Variants in KIAA1958 observed in about 807,000 individuals in gnomAD.
The protein encoded by KIAA1958 is KIAA1958, also known as uncharacterized protein KIAA1958.
Under a neutral mutation model 47.2 loss-of-function variants are expected in KIAA1958, and 14 were observed. The ratio of observed to expected loss-of-function variants is 0.30; its 90% CI spans 0.20 to 0.46. KIAA1958 has a LOEUF of 0.46. KIAA1958 is among the 20% of genes least tolerant of loss of function. The pLI is 1.00. For missense variants in KIAA1958, 803 were observed against 909.2 expected (o/e 0.88, Z 1.50); for synonymous variants, 354 against 353.3 (o/e 1.00, Z -0.02).
chr9:112,629,542 A>G (rs773352288), intron 2 of KIAA1958, among the ~76,000 whole-genome samples: 13 of 152,200 alleles, frequency 8.5e-5, no homozygotes, highest in Non-Finnish European at 4.4e-5. Flanking sequence ...CTGCCTGTCA[A>G]TATTTGTAAT....
At chr9:112,626,798 CTTTTG>C (rs1273436794) in intron 2 of KIAA1958, among the ~76,000 whole-genome samples, 1 of 147,778 alleles carries the variant, frequency 6.8e-6, no homozygotes, top group Non-Finnish European at 1.5e-5. Context: ...AATGAAATAA[CTTTTG>C]TTTTATAAAG....
intron 3 of KIAA1958, among the ~76,000 whole-genome samples, chr9:112,658,328 A>G (rs575263277): frequency 2.0e-5 from 3 of 152,342 alleles, no homozygotes; most frequent in South Asian, 4.1e-4. Context: ...CTAGTAACCA[A>G]ATGTTCTGTG....
intron 1 of KIAA1958, among the ~76,000 whole-genome samples, chr9:112,495,788 G>A (rs760372842): frequency 2.6e-5 from 4 of 152,172 alleles, no homozygotes; most frequent in South Asian, 2.1e-4. Context: ...GTTCCCTTCC[G>A]CAGTGAGTCT....
chr9:112,605,973 C>T (rs1421346953), intron 2 of KIAA1958, among the ~76,000 whole-genome samples: 1 of 152,186 alleles, frequency 6.6e-6, no homozygotes, highest in East Asian at 1.9e-4. Context: ...TTTCCACCAC[C>T]AGATGGTAAA....
intron 1 of KIAA1958, among the ~76,000 whole-genome samples, chr9:112,530,218 C>G (rs1376386483): frequency 6.6e-6 from 1 of 152,036 alleles, no homozygotes; most frequent in Non-Finnish European, 1.5e-5. Context: ...CTGTTCTCTC[C>G]CATTTATTTA....
chr9:112,554,878 T>C (rs934932797), intron 1 of KIAA1958, among the ~76,000 whole-genome samples: 1 of 152,160 alleles, frequency 6.6e-6, no homozygotes, highest in Admixed American at 6.5e-5. Flanking sequence ...CATTGGCTCC[T>C]AGTCAGCTGA....
At position 112,618,369 on chromosome 9, in the gene KIAA1958, G is replaced by T; in HGVS notation, c.1172-27281G>T. On this transcript the variant is annotated intron_variant, in intron 2 of 3. Coordinates refer to ENST00000337530, the MANE Select transcript of KIAA1958 (RefSeq NM_133465.4). This position sits in a 1 kb window ranked among gnomAD's most constrained non-coding sequence, Gnocchi z 7.1. ...AACAACACAAAAGCTTTTGGGCATTGCACAGGCTTCCATGGATCTACCTTA... is the reference window on the plus strand; with the variant it reads ...AACAACACAAAAGCTTTTGGGCATTTCACAGGCTTCCATGGATCTACCTTA... The T allele has an allele frequency of 6.4e-6, 10 of 1,551,300 alleles. No homozygotes were observed. Among genetic ancestry groups the T allele is most frequent in the Non-Finnish European group, 8.7e-6 (10 of 1,147,140 alleles).
chr9:112,620,375 A>G (rs1283277865), intron 2 of KIAA1958, among the ~76,000 whole-genome samples: 3 of 152,182 alleles, frequency 2.0e-5, no homozygotes, highest in African/African-American at 7.2e-5. Context: ...TTAGCTAGAA[A>G]GGTAGGTGGT....
chr9:112,548,853 A>G (rs984395804), intron 1 of KIAA1958, among the ~76,000 whole-genome samples: 2 of 152,210 alleles, frequency 1.3e-5, no homozygotes, highest in South Asian at 2.1e-4. Context: ...CCTCTGATCA[A>G]TATGACCGGT....
chr9:112,632,923 T>TA (rs1016716996), intron 2 of KIAA1958, among the ~76,000 whole-genome samples: 1 of 125,628 alleles, frequency 8.0e-6, no homozygotes. Context: ...TTTTTTTTTT[T>TA]AAAAAAAGAG....
At chr9:112,559,088 C>T (rs1835287556) in intron 1 of KIAA1958, among the ~76,000 whole-genome samples, 1 of 152,062 alleles carries the variant, frequency 6.6e-6, no homozygotes, top group Non-Finnish European at 1.5e-5. Context: ...GTTTTGAAAA[C>T]CAGCGACCAG....
chr9:112,617,597 TC>T (rs1432520355), intron 2 of KIAA1958, among the ~76,000 whole-genome samples: 2 of 152,308 alleles, frequency 1.3e-5, no homozygotes, highest in East Asian at 3.9e-4. Flanking sequence ...TCTCTCTCTT[TC>T]GACAAACCTT....
At chr9:112,613,813 G>A (rs530053800) in intron 2 of KIAA1958, among the ~76,000 whole-genome samples, 1 of 152,286 alleles carries the variant, frequency 6.6e-6, no homozygotes, top group Non-Finnish European at 1.5e-5. Flanking sequence ...TTTCCTCATG[G>A]TGGGGAAAGT....
intron 2 of KIAA1958, among the ~76,000 whole-genome samples, chr9:112,627,390 A>C (rs1461928482): frequency 2.0e-5 from 3 of 152,232 alleles, no homozygotes; most frequent in Non-Finnish European, 4.4e-5. Flanking sequence ...ACAGTGTAAT[A>C]GCAGAGGACT....
chr9:112,535,801 A>G (rs1834845090), intron 1 of KIAA1958, among the ~76,000 whole-genome samples: 1 of 151,616 alleles, frequency 6.6e-6, no homozygotes, highest in Non-Finnish European at 1.5e-5. Context: ...ATTATCTCCT[A>G]GTGGTTTTAA....
chr9:112,648,151 C>G (rs1837007476), intron 3 of KIAA1958, among the ~76,000 whole-genome samples: 1 of 152,128 alleles, frequency 6.6e-6, no homozygotes, highest in East Asian at 1.9e-4. Flanking sequence ...CAATGTTTTT[C>G]AAGGCATTAT....
At chr9:112,528,077 T>C (rs1834691227) in intron 1 of KIAA1958, among the ~76,000 whole-genome samples, 1 of 152,212 alleles carries the variant, frequency 6.6e-6, no homozygotes, top group Non-Finnish European at 1.5e-5. Flanking sequence ...TAATTCACCT[T>C]CTTTGCATGA....
intron 1 of KIAA1958, among the ~76,000 whole-genome samples, chr9:112,489,969 A>G (rs1407230977): frequency 6.6e-6 from 1 of 152,222 alleles, no homozygotes; most frequent in African/African-American, 2.4e-5. Flanking sequence ...TTTGTAATAG[A>G]TCTGTGACTT....
chr9:112,634,433 A>G (rs139544830), intron 2 of KIAA1958, among the ~76,000 whole-genome samples: 1,644 of 152,030 alleles, frequency 0.011, 19 homozygotes, highest in African/African-American at 0.037. Context: ...GTTTCACCAT[A>G]TTAGCCAGGC....
Sources: gnomAD v4.1 joint callset for allele counts (sites outside exome capture counted in the v4.1 genomes callset) on GRCh38, gnomAD v4.1.1 for gene constraint, Gnocchi (gnomAD v3.1) non-coding constraint, MANE v1.5 for transcripts, NCBI Gene and HGNC (gene_info 2026-07-23, HGNC 2026-07-21) for gene names.